Variants in ARHGEF18 observed in about 807,000 individuals in gnomAD.
ARHGEF18 encodes the protein rho guanine nucleotide exchange factor 18.
Under a neutral mutation model 155.7 loss-of-function variants are expected in ARHGEF18, and 93 were observed. That is an observed-to-expected ratio of 0.60 (90% confidence interval 0.50 to 0.71). The LOEUF is 0.71. ARHGEF18 is among the 30% of genes least tolerant of loss of function. The pLI is 0.00. For missense variants in ARHGEF18, 1,593 were observed against 1,816.1 expected (o/e 0.88, Z 2.23); for synonymous variants, 742 against 753.1 (o/e 0.99, Z 0.24).
At chr19:7,384,564 G>A (rs928198767) in intron 10 of ARHGEF18, among the ~76,000 whole-genome samples, 1 of 152,172 alleles carries the variant, frequency 6.6e-6, no homozygotes, top group African/African-American at 2.4e-5. Flanking sequence ...CATGGGGCTG[G>A]GGGTGGCTGT....
chr19:7,477,454 G>A (rs759328487), downstream of ARHGEF18: 2 of 1,414,984 alleles, frequency 1.4e-6, no homozygotes, highest in Non-Finnish European at 1.8e-6. Context: ...GCAGAGAGGG[G>A]CCGCTTACAC....
intron 10 of ARHGEF18, among the ~76,000 whole-genome samples, chr19:7,439,452 AAAT>A (rs1428146782): frequency 6.6e-6 from 1 of 152,072 alleles, no homozygotes; most frequent in Non-Finnish European, 1.5e-5. Context: ...CTGTCTCTAA[AAAT>A]AATAATAATT....
rs1976349938 is a variant in ARHGEF18 at position 7,462,648 on chromosome 19, G to A, written c.2635+314G>A. 6.6e-6 allele frequency among the ~76,000 whole-genome samples: 1 copy of A among 151,558 alleles called. No homozygotes were observed. Among genetic ancestry groups the A allele is most frequent in the African/African-American group, 2.4e-5 (1 of 40,868 alleles). On this transcript the variant is annotated intron_variant, in intron 21 of 28. Transcript: ENST00000668164. This position sits in a 1 kb window ranked among gnomAD's most constrained non-coding sequence, Gnocchi z 4.4. ...GTGGGGAGGATCTGAAGTTGACTAA[G>A]ACTGGTTCCCTACCTACCAGAGGTT...
At position 7,467,321 on chromosome 19, in the gene ARHGEF18, G is replaced by A. The variant is rs771677059; in HGVS notation, c.3117G>A (p.Glu1039=). The change falls in exon 26 of 29, where the codon GAG becomes GAA. Residue 1039 remains glutamate, a synonymous_variant. Transcript: ENST00000668164. ...LQSTRGNLLL[E]QERQRNFEKQ... ...CGACGCGTGGGAACCTGCTGCTGGA[G>A]CAGGAGCGGCAACGCAACTTCGAGA... 1.3e-6 allele frequency: 2 copies of A among 1,539,014 alleles called. No homozygotes were observed. Among genetic ancestry groups the A allele is most frequent in the Non-Finnish European group, 1.7e-6 (2 of 1,147,086 alleles).
intron 10 of ARHGEF18, among the ~76,000 whole-genome samples, chr19:7,396,723 AAAG>A (rs1183860491): frequency 2.6e-5 from 4 of 152,034 alleles, no homozygotes; most frequent in African/African-American, 7.2e-5. Context: ...AAAAAAAAAA[AAAG>A]AAGTGTCAGG....
intron 1 of ARHGEF18, among the ~76,000 whole-genome samples, chr19:7,360,987 CA>C (rs986736973): frequency 2.0e-5 from 3 of 152,148 alleles, no homozygotes; most frequent in African/African-American, 7.2e-5. Flanking sequence ...CAGGTGGCAT[CA>C]GGGGGCAAAT....
intron 1 of ARHGEF18, among the ~76,000 whole-genome samples, chr19:7,352,832 C>CTTT (rs587602037): frequency 0.042 from 2,073 of 49,808 alleles, 530 homozygotes; most frequent in African/African-American, 0.13. Flanking sequence ...CGTGCCTGGC[C>CTTT]TTTTTTTTTT....
intron 10 of ARHGEF18, among the ~76,000 whole-genome samples, chr19:7,390,307 GAC>G (rs1195162857): frequency 2.6e-5 from 4 of 152,120 alleles, no homozygotes; most frequent in African/African-American, 9.7e-5. Context: ...AGGAGTTTGA[GAC>G]CAGCCTGGCC....
intron 10 of ARHGEF18, among the ~76,000 whole-genome samples, chr19:7,397,318 T>C (rs1313974414): frequency 6.6e-6 from 1 of 151,942 alleles, no homozygotes; most frequent in African/African-American, 2.4e-5. Context: ...CAGACTGGAG[T>C]GCAATAGCAC....
intron 5 of ARHGEF18, 75 bp downstream of exon 5, chr19:7,376,832 G>A: frequency 4.8e-6 from 5 of 1,036,484 alleles, no homozygotes; most frequent in African/African-American, 1.7e-5. Context: ...GTGAAACCCT[G>A]TTGGGGTTTC....
Position 7,368,833 on chromosome 19 carries a change from CAT to C in ARHGEF18, c.16-3978_16-3977del, listed in dbSNP as rs552842579. Among the ~76,000 whole-genome samples, 687 of 152,252 alleles carry C rather than the reference CAT, an allele frequency of 4.5e-3. 4 individuals are homozygous for C. The highest frequency in any genetic ancestry group is 6.8e-3 in the Middle Eastern group (2 of 294). ...TGAAAGGAGGCTGCCGCCCAAGTCA[CAT>C]GAGGGCCAGCCAGAGCTAGAGCTGT... On this transcript the variant is annotated intron_variant, in intron 2 of 28. Transcript: ENST00000668164.
chr19:7,353,442 T>C (rs1268245682), intron 1 of ARHGEF18, among the ~76,000 whole-genome samples: 1 of 150,900 alleles, frequency 6.6e-6, no homozygotes, highest in African/African-American at 2.4e-5. Context: ...TACAAAAAAT[T>C]AGCCAGGCAT....
At chr19:7,396,008 G>C (rs907574478) in intron 10 of ARHGEF18, among the ~76,000 whole-genome samples, 1 of 151,930 alleles carries the variant, frequency 6.6e-6, no homozygotes, top group African/African-American at 2.4e-5. Context: ...TTCCCTTCCC[G>C]CTCTAGTAGA....
At chr19:7,355,981 C>T (rs915292441) in intron 1 of ARHGEF18, among the ~76,000 whole-genome samples, 5 of 152,172 alleles carry the variant, frequency 3.3e-5, no homozygotes, top group African/African-American at 9.7e-5. Context: ...TTAACTCAGC[C>T]GCTGAACTCC....
chr19:7,434,738 T>C (rs6603058), intron 10 of ARHGEF18, among the ~76,000 whole-genome samples: 60,547 of 152,114 alleles, frequency 0.4, 12,648 homozygotes, highest in East Asian at 0.6. Context: ...AATCAGATGT[T>C]TTGCTCTCCT....
intron 2 of ARHGEF18, among the ~76,000 whole-genome samples, chr19:7,366,971 G>C (rs930902094): frequency 6.6e-6 from 1 of 151,562 alleles, no homozygotes; most frequent in Admixed American, 6.6e-5. Context: ...TATGCTGCCC[G>C]GGCTGGTCTC....
chr19:7,469,645 A>AG (rs946666048), intron 27 of ARHGEF18, among the ~76,000 whole-genome samples: 1 of 152,158 alleles, frequency 6.6e-6, no homozygotes, highest in Non-Finnish European at 1.5e-5. Context: ...CGTGGTCACT[A>AG]GGGCCTGTGC....
rs1385365706 is a variant in ARHGEF18, at chr19:7,472,441, T to C, written c.*2143T>C. On this transcript the variant is annotated 3_prime_UTR_variant, in exon 29 of 29. Transcript: ENST00000668164. ...GGATATTTCTGACCCGCTTTAGAAC[T>C]TAAGACCTGATTCTAGCAATAAACG... is the stretch of plus-strand genomic sequence containing the variant. The C allele has an allele frequency of 1.3e-5, 2 of 158,960 alleles. No individual in the cohort carries two copies. Among genetic ancestry groups the C allele is most frequent in the African/African-American group, 4.8e-5 (2 of 41,498 alleles). The allele number at this position is 158,960 out of a possible 1,614,324, so 9.8% of individuals were successfully genotyped here.
intron 17 of ARHGEF18, among the ~76,000 whole-genome samples, chr19:7,455,380 C>T (rs1329638373): frequency 2.0e-5 from 3 of 152,192 alleles, no homozygotes; most frequent in African/African-American, 7.2e-5. Flanking sequence ...TTAGCAAAAG[C>T]GTATCTGACT....
Sources: allele counts gnomAD v4.1 joint callset (sites outside exome capture counted in the v4.1 genomes callset), GRCh38; gene constraint gnomAD v4.1.1; non-coding constraint Gnocchi (gnomAD v3.1); transcripts MANE v1.5; gene names NCBI Gene and HGNC (gene_info 2026-07-23, HGNC 2026-07-21).